Variants in TPR observed in about 807,000 individuals in gnomAD.
The protein encoded by TPR is translocated promoter region, nuclear basket protein.
In TPR, 51 loss-of-function variants were observed where a neutral mutation model predicts 316.1. That is an observed-to-expected ratio of 0.16 (90% CI 0.13 to 0.20). TPR has a LOEUF of 0.20. Ranked by LOEUF, TPR falls within the 10% of genes least tolerant of loss-of-function variation. The probability of loss-of-function intolerance (pLI) is 1.00; values close to 1 mark genes in which losing one functional copy is unlikely to be tolerated. For missense variants in TPR, 2,272 were observed against 2,754.8 expected (o/e 0.82, Z 3.92); for synonymous variants, 981 against 914.7 (o/e 1.07, Z -1.31).
intron 20 of TPR, 69 bp from the exon 21 acceptor site, chr1:186,350,457 T>C (rs1658826086): frequency 3.3e-6 from 4 of 1,225,980 alleles, no homozygotes; most frequent in African/African-American, 1.6e-5. Context: ...ACTATCTTTT[T>C]ATAGACCTTT....
At position 186,339,790 on chromosome 1, in the gene TPR, C is replaced by T. The variant is rs1463726959; in HGVS notation, c.4021-18G>A. On this transcript the variant is annotated intron_variant, in intron 29 of 50. Coordinates refer to ENST00000367478, the MANE Select transcript of TPR (RefSeq NM_003292.3). ...ACTAGATGCTAGAATAACAAAAATG[C>T]ATACTTGATTTTTTTAGGTTTTATG... 2 of 1,546,048 alleles carry T rather than the reference C, an allele frequency of 1.3e-6. No individual in the cohort carries two copies. The highest frequency in any genetic ancestry group is 8.7e-7 in the Non-Finnish European group (1 of 1,151,392).
In TPR at chr1:186,375,138, C is replaced by T. The variant is rs1659675629; in HGVS notation, c.-110G>A. 6.4e-7 allele frequency: 1 copy of T among 1,552,284 alleles called. No homozygotes were observed. The highest frequency in any genetic ancestry group is 1.4e-5 in the African/African-American group (1 of 72,942). On this transcript the variant is annotated 5_prime_UTR_variant, in exon 1 of 51. Coordinates refer to ENST00000367478, the MANE Select transcript of TPR (RefSeq NM_003292.3). ...CTGGGCCGCCGCCTCTATCACCTCG[C>T]TCGGTGGCTCGCGCGCGCCCGCCCG...
chr1:186,353,208 T>TA (rs1346848561), intron 18 of TPR, among the ~76,000 whole-genome samples: 11 of 151,974 alleles, frequency 7.2e-5, no homozygotes, highest in Non-Finnish European at 1.5e-4. Flanking sequence ...CCATCTCTAC[T>TA]AAAAATACAA....
chr1:186,372,394 T>C (rs1327019579), intron 2 of TPR, among the ~76,000 whole-genome samples: 1 of 152,020 alleles, frequency 6.6e-6, no homozygotes, highest in Non-Finnish European at 1.5e-5. Flanking sequence ...ATACAAAAAT[T>C]AGCTGGGCCT....
chr1:186,368,006 T>C (rs1410396247), intron 3 of TPR, 24 bp from the exon 4 acceptor site: 1 of 1,557,812 alleles, frequency 6.4e-7, no homozygotes, highest in African/African-American at 1.4e-5. Context: ...AAGTAATAAG[T>C]AAGAAAATCA....
At position 186,313,368 on chromosome 1, in the gene TPR, T is replaced by C. The variant is rs1390443102; in HGVS notation, c.*603A>G. ...TTTCATAATATGAATGACATTGGCA[T>C]GTATTTTTTAAAAGGAATAACCCCA... is the stretch of plus-strand genomic sequence containing the variant. On this transcript the variant is annotated 3_prime_UTR_variant, in exon 51 of 51. Coordinates refer to ENST00000367478, the MANE Select transcript of TPR (RefSeq NM_003292.3). The C allele has an allele frequency of 2.9e-6, 1 of 341,934 alleles. No individual in the cohort carries two copies. The highest frequency in any genetic ancestry group is 5.4e-6 in the Non-Finnish European group (1 of 186,090). The allele number at this position is 341,934 out of a possible 1,614,324, so 21.2% of individuals were successfully genotyped here.
intron 41 of TPR, 93 bp downstream of exon 41, chr1:186,326,010 TG>T: frequency 6.4e-7 from 1 of 1,570,832 alleles, no homozygotes. Flanking sequence ...AAGGTTTTAG[TG>T]AATTTCATAA....
At chr1:186,355,821 T>A in intron 15 of TPR, 53 bp from the exon 16 acceptor site, 1 of 1,588,132 alleles carries the variant, frequency 6.3e-7, no homozygotes, top group Non-Finnish European at 8.6e-7. Context: ...ATAAATCAGC[T>A]TTAATCTAAT....
intron 39 of TPR, among the ~76,000 whole-genome samples, chr1:186,330,533 TTATA>T (rs1186855392): frequency 6.6e-6 from 1 of 152,068 alleles, no homozygotes; most frequent in Non-Finnish European, 1.5e-5. Flanking sequence ...GGGATGTATA[TTATA>T]TATATTTACC....
intron 46 of TPR, among the ~76,000 whole-genome samples, chr1:186,319,731 A>G (rs1193215198): frequency 1.3e-5 from 2 of 152,198 alleles, no homozygotes; most frequent in Admixed American, 6.5e-5. Flanking sequence ...TCCCAGAAAT[A>G]AAGAGGGTAA....
rs1460109462 is a variant in TPR, at chr1:186,313,746, A to C, written c.*225T>G. The stretch of plus-strand genomic sequence containing the variant: ...AGCAATTACTACTCGTTCTGGGCAG[A>C]CCTTATCCAAAGTCTGGTACAACTG... On this transcript the variant is annotated 3_prime_UTR_variant, in exon 51 of 51. Coordinates refer to ENST00000367478, the MANE Select transcript of TPR (RefSeq NM_003292.3). 8.1e-6 allele frequency: 13 copies of C among 1,608,954 alleles called. No individual in the cohort carries two copies. The highest frequency in any genetic ancestry group is 1.0e-5 in the Non-Finnish European group (12 of 1,175,430).
chr1:186,324,586 T>G (rs1657860945), intron 42 of TPR, among the ~76,000 whole-genome samples: 1 of 152,194 alleles, frequency 6.6e-6, no homozygotes, highest in East Asian at 1.9e-4. Context: ...CTTAAGCTAC[T>G]TAGCTACTTA....
chr1:186,341,183 C>T, intron 28 of TPR, 24 bp from the exon 29 acceptor site: 2 of 1,612,714 alleles, frequency 1.2e-6, no homozygotes, highest in South Asian at 1.1e-5. Context: ...CAATATTTAA[C>T]AACAAATGTA....
intron 43 of TPR, chr1:186,322,850 TACCA>T (rs2102053604): frequency 2.3e-6 from 1 of 426,130 alleles, no homozygotes; most frequent in African/African-American, 2.0e-5. Flanking sequence ...AGATCTATGA[TACCA>T]TCTTGTATGT....
Position 186,347,433 on chromosome 1 carries a change from C to T in TPR, c.2802G>A (p.Val934=), listed in dbSNP as rs969257360. ...GKGQPSNKED[V]DDLVSQLRQT... The stretch of plus-strand genomic sequence containing the variant: ...GTCTTAGCTGACTCACAAGATCATC[C>T]ACATCTTCTTTGTTGCTAGGCTGAC... Residue 934 remains valine (V), a synonymous_variant, in exon 22 of 51, where the codon GTG becomes GTA. Transcript: ENST00000367478. 15 of 1,613,778 alleles carry T rather than the reference C, an allele frequency of 9.3e-6. No individual in the cohort carries two copies. The African/African-American group carries it at 1.7e-4, about 19-fold the overall frequency.
rs771286936 is a variant in TPR at position 186,331,479 on chromosome 1, T to C, written c.5688+19A>G. 1.1e-5 allele frequency: 17 copies of C among 1,574,626 alleles called. No individual in the cohort carries two copies. The South Asian group carries it at 1.5e-4, about 14-fold the overall frequency. On this transcript the variant is annotated intron_variant, in intron 39 of 50. Coordinates refer to ENST00000367478, the MANE Select transcript of TPR (RefSeq NM_003292.3). ...CACGAAAAGCAACGGTGTGGTACTT[T>C]AGGTATGTTTTTACTTACTTCTCCA...
At chr1:186,320,843 G>T (rs1657756249) in intron 45 of TPR, among the ~76,000 whole-genome samples, 2 of 152,174 alleles carry the variant, frequency 1.3e-5, no homozygotes, top group African/African-American at 4.8e-5. Flanking sequence ...AGCTTATTAA[G>T]AGTTCACTAG....
intron 50 of TPR, 121 bp from the exon 51 acceptor site, chr1:186,314,147 T>G: frequency 2.4e-6 from 2 of 823,094 alleles, no homozygotes; most frequent in Non-Finnish European, 3.8e-6. Context: ...CTGTTGGGTA[T>G]TCTACAACTT....
chr1:186,360,188 A>G, intron 11 of TPR, 85 bp downstream of exon 11: 1 of 1,464,306 alleles, frequency 6.8e-7, no homozygotes, highest in East Asian at 2.3e-5. Flanking sequence ...TTTTAAAAAT[A>G]AGTTTTGGGA....
Sources: gnomAD v4.1 joint callset for allele counts (sites outside exome capture counted in the v4.1 genomes callset) on GRCh38, gnomAD v4.1.1 for gene constraint, MANE v1.5 for transcripts, NCBI Gene and HGNC (gene_info 2026-07-23, HGNC 2026-07-21) for gene names.